Variants in ME3 observed in about 807,000 individuals in gnomAD.
ME3 encodes NADP-dependent malic enzyme, mitochondrial.
A neutral mutation model predicts 68.9 loss-of-function variants in ME3; 48 were observed. The ratio of observed to expected loss-of-function variants is 0.70; its 90% CI spans 0.55 to 0.89. The LOEUF (loss-of-function observed/expected upper bound fraction) is 0.89. Ranked by LOEUF, ME3 falls within the 40% of genes least tolerant of loss-of-function variation. ME3 has a pLI of 0.00. For synonymous variants in ME3, 320 were observed against 318.8 expected, an observed-to-expected ratio of 1.00 and a Z score of -0.04; for missense variants, 675 against 797.4, an observed-to-expected ratio of 0.85 and a Z score of 1.85.
chr11:86,488,520 C>T (rs78617429), intron 6 of ME3, among the ~76,000 whole-genome samples: 2 of 152,148 alleles, frequency 1.3e-5, no homozygotes, highest in Non-Finnish European at 2.9e-5. Context: ...GAGATGCTCA[C>T]CTTAACACCT....
chr11:86,498,570 G>A (rs56307437), intron 5 of ME3, among the ~76,000 whole-genome samples: 22,631 of 152,144 alleles, frequency 0.15, 1,917 homozygotes, highest in Non-Finnish European at 0.15. Context: ...AGTGCTCTCC[G>A]ACCTACTCCT....
intron 8 of ME3, among the ~76,000 whole-genome samples, chr11:86,463,827 G>T (rs1367123455): frequency 2.0e-5 from 3 of 152,202 alleles, no homozygotes; most frequent in Non-Finnish European, 4.4e-5. Flanking sequence ...GAATGGCATG[G>T]TGAATGGTTA....
chr11:86,614,743 CTGAGT>C (rs1942836904), intron 2 of ME3, among the ~76,000 whole-genome samples: 1 of 152,160 alleles, frequency 6.6e-6, no homozygotes, highest in South Asian at 2.1e-4. Context: ...AAACACTTCC[CTGAGT>C]TAAGTGTTGT....
intron 7 of ME3, among the ~76,000 whole-genome samples, chr11:86,479,586 C>G (rs1186413755): frequency 6.6e-6 from 1 of 152,122 alleles, no homozygotes; most frequent in Non-Finnish European, 1.5e-5. Flanking sequence ...GATGTACCTT[C>G]TATATGGAAC....
chr11:86,542,821 T>G (rs1956130635), intron 4 of ME3, among the ~76,000 whole-genome samples: 1 of 151,836 alleles, frequency 6.6e-6, no homozygotes. Flanking sequence ...AAGATACACC[T>G]CAAGAAGAGC....
At chr11:86,635,114 G>A (rs1191323132) in intron 2 of ME3, among the ~76,000 whole-genome samples, 1 of 152,162 alleles carries the variant, frequency 6.6e-6, no homozygotes, top group East Asian at 1.9e-4. Flanking sequence ...AGACCAGCCT[G>A]GGCAACATGA....
chr11:86,672,090 T>G, intron 1 of ME3, 132 bp from the exon 2 acceptor site: 1 of 745,966 alleles, frequency 1.3e-6, no homozygotes, highest in Non-Finnish European at 1.9e-6. Context: ...GGGTTAAATG[T>G]TCCAGCCCCC....
At chr11:86,568,620 G>A (rs796941285) in intron 2 of ME3, among the ~76,000 whole-genome samples, 16 of 152,292 alleles carry the variant, frequency 1.1e-4, no homozygotes, top group African/African-American at 3.4e-4. Flanking sequence ...CAAATGGCAG[G>A]GCGCAAAGGC....
intron 7 of ME3, among the ~76,000 whole-genome samples, chr11:86,467,614 A>G (rs1170168830): frequency 2.0e-5 from 3 of 151,642 alleles, no homozygotes; most frequent in African/African-American, 7.3e-5. Context: ...CAACAAAACA[A>G]TGTGATGAAC....
At chr11:86,548,400 T>G (rs1300690453) in intron 4 of ME3, among the ~76,000 whole-genome samples, 3 of 152,152 alleles carry the variant, frequency 2.0e-5, no homozygotes, top group African/African-American at 4.8e-5. Context: ...TTGGAAGGAC[T>G]CCTCCTCCTT....
At chr11:86,512,400 C>G (rs1355660893) in intron 4 of ME3, among the ~76,000 whole-genome samples, 4 of 152,160 alleles carry the variant, frequency 2.6e-5, no homozygotes, top group Non-Finnish European at 5.9e-5. Context: ...CTTCAGAGGG[C>G]AAAGTGTGCA....
intron 2 of ME3, among the ~76,000 whole-genome samples, chr11:86,619,916 A>G (rs1199594866): frequency 6.6e-6 from 1 of 152,216 alleles, no homozygotes; most frequent in Non-Finnish European, 1.5e-5. Flanking sequence ...TCTTCCAACT[A>G]TGGGATTCAC....
chr11:86,457,691 C>T, intron 8 of ME3: 1 of 1,288,672 alleles, frequency 7.8e-7, no homozygotes, highest in Non-Finnish European at 1.0e-6. Flanking sequence ...CCCATGGGTC[C>T]AGGGATGTGC....
At chr11:86,459,516 C>T (rs775458569) in intron 8 of ME3, among the ~76,000 whole-genome samples, 3 of 152,256 alleles carry the variant, frequency 2.0e-5, no homozygotes, top group South Asian at 4.2e-4. Flanking sequence ...GTGCCATAAA[C>T]GGGTGTTGGA....
chr11:86,541,641 C>A (rs1956055135), intron 4 of ME3, among the ~76,000 whole-genome samples: 2 of 152,188 alleles, frequency 1.3e-5, no homozygotes, highest in Admixed American at 1.3e-4. Context: ...AAGGCAGCAG[C>A]CCCAGTCAGG....
intron 2 of ME3, among the ~76,000 whole-genome samples, chr11:86,617,056 T>TTG (rs1555012515): frequency 1.3e-4 from 18 of 133,670 alleles, no homozygotes; most frequent in Non-Finnish European, 2.3e-4. Context: ...TTTTTTTTTT[T>TTG]TTTTTTTTTT....
chr11:86,643,859 G>A (rs1281107837), intron 2 of ME3, among the ~76,000 whole-genome samples: 3 of 152,036 alleles, frequency 2.0e-5, no homozygotes, highest in African/African-American at 7.3e-5. Context: ...ACTTGCTGAT[G>A]TCCCTTACTA....
intron 4 of ME3, among the ~76,000 whole-genome samples, chr11:86,510,203 C>A (rs759671030): frequency 6.6e-6 from 1 of 152,154 alleles, no homozygotes; most frequent in East Asian, 1.9e-4. Context: ...CAACATCGTC[C>A]TACCAAAACT....
intron 4 of ME3, among the ~76,000 whole-genome samples, chr11:86,523,169 A>G (rs770658222): frequency 6.6e-6 from 1 of 152,222 alleles, no homozygotes; most frequent in East Asian, 1.9e-4. Flanking sequence ...CTTAGTTGCC[A>G]TATGTAAAAA....
Sources: allele counts gnomAD v4.1 joint callset (sites outside exome capture counted in the v4.1 genomes callset), GRCh38; gene constraint gnomAD v4.1.1; transcripts MANE v1.5; gene names NCBI Gene and HGNC (gene_info 2026-07-23, HGNC 2026-07-21).